ZNF445: variants seen among roughly 807,000 people sequenced by gnomAD.
ZNF445 encodes zinc finger protein 445, also known as zinc finger protein 168.
ZNF445 carries 19 observed loss-of-function variants against 93.9 expected under a neutral mutation model. The observed-to-expected ratio is 0.20, with a 90% CI of 0.14 to 0.30. The LOEUF (loss-of-function observed/expected upper bound fraction) is 0.30, where lower values mean the gene tolerates loss of function less well. Among genes scored for constraint, ZNF445 ranks in the 10% least tolerant of loss-of-function variants. The probability of loss-of-function intolerance (pLI) is 1.00; values close to 1 mark genes in which losing one functional copy is unlikely to be tolerated. For synonymous variants in ZNF445, 449 were observed against 446.3 expected (o/e 1.01, Z -0.08); for missense variants, 1,058 against 1,259.4 (o/e 0.84, Z 2.42).
rs2125678181 is a variant in ZNF445 at position 44,447,053 on chromosome 3, CAT to C, written c.2616_2617del (p.Cys873TrpfsTer5). 6.2e-7 allele frequency: 1 copy of C among 1,614,236 alleles called. No homozygotes were observed. Among genetic ancestry groups the C allele is most frequent in the Non-Finnish European group, 8.5e-7 (1 of 1,180,036 alleles). Reference sequence around the variant, plus strand: ...ATAGTTTCTATCATAAGATTTCCCACATAGATTACATTTATAGCGCTTCTCTC... The same window carrying C: ...ATAGTTTCTATCATAAGATTTCCCACAGATTACATTTATAGCGCTTCTCTC... On this transcript the variant is annotated frameshift_variant, in exon 8 of 8. Transcript: ENST00000396077. LOFTEE classifies it high-confidence loss of function. The surrounding 1 kb of genome is among the most constrained non-coding windows in gnomAD (Gnocchi z 4.7).
chr3:44,460,025 G>A (rs1698087725), intron 1 of ZNF445, among the ~76,000 whole-genome samples: 1 of 152,106 alleles, frequency 6.6e-6, no homozygotes, highest in South Asian at 2.1e-4. Flanking sequence ...AACACAGCAA[G>A]ACTCCGTTTC....
At chr3:44,457,049 C>T (rs906461354) in intron 2 of ZNF445, among the ~76,000 whole-genome samples, 5 of 152,082 alleles carry the variant, frequency 3.3e-5, no homozygotes, top group African/African-American at 7.2e-5. Flanking sequence ...GAATTGCTTG[C>T]GCCTGGGAAG....
chr3:44,454,487 G>A lies in ZNF445; in HGVS notation c.429+634C>T, dbSNP rs572416371. ...CTTGCTGTGTCACCCAGGCTGGAGC[G>A]CAGTGGTGCAATCACGGCTCACTGC... On this transcript the variant is annotated intron_variant, in intron 3 of 7. Transcript: ENST00000396077. 1.1e-4 allele frequency among the ~76,000 whole-genome samples: 16 copies of A among 152,266 alleles called. No individual in the cohort carries two copies. In the South Asian group the frequency reaches 2.1e-3, roughly 20 times the overall value.
At chr3:44,456,669 A>G (rs1174300178) in intron 2 of ZNF445, among the ~76,000 whole-genome samples, 2 of 152,192 alleles carry the variant, frequency 1.3e-5, no homozygotes, top group African/African-American at 4.8e-5. Flanking sequence ...TGCTATTATA[A>G]TATTTTAAAA....
chr3:44,473,790 A>G (rs1451336204), intron 1 of ZNF445, among the ~76,000 whole-genome samples: 1 of 152,090 alleles, frequency 6.6e-6, no homozygotes, highest in African/African-American at 2.4e-5. Flanking sequence ...AAAGAGCTAC[A>G]ATAATTTCAG....
At chr3:44,454,956 G>A (rs1698007573) in intron 3 of ZNF445, 165 bp downstream of exon 3, 4 of 764,066 alleles carry the variant, frequency 5.2e-6, no homozygotes, top group African/African-American at 3.5e-5. Context: ...TAAAGGGTCC[G>A]TGGCTCAGGG....
At position 44,447,164 on chromosome 3, in the gene ZNF445, C is replaced by A. The variant is rs137928809; in HGVS notation, c.2507G>T (p.Gly836Val). Reference protein sequence around the residue: ...TPNVEPKILTGEKRFWCQECG... With the variant: ...TPNVEPKILTVEKRFWCQECG... ...TTCTTGACACCAAAAACGTTTCTCA[C>A]CAGTGAGGATTTTTGGCTCCACATT... Residue 836 changes from glycine (G) to valine (V), a missense_variant, in exon 8 of 8, where the codon GGT becomes GTT. Around this residue, in one of 3 missense-constraint regions of ZNF445, gnomAD observed 387 missense variants for 475.7 expected, o/e 0.81. Coordinates refer to ENST00000396077, the MANE Select transcript of ZNF445 (RefSeq NM_181489.6). The surrounding 1 kb of genome is among the most constrained non-coding windows in gnomAD (Gnocchi z 4.7). The A allele has an allele frequency of 0.015, 25,003 of 1,614,174 alleles. 252 individuals carry two copies. Among genetic ancestry groups the A allele is most frequent in the Non-Finnish European group, 0.019 (22,468 of 1,180,020 alleles).
chr3:44,458,538 T>A (rs1006901887), intron 1 of ZNF445, among the ~76,000 whole-genome samples, 174 bp from the exon 2 acceptor site: 2 of 152,080 alleles, frequency 1.3e-5, no homozygotes, highest in African/African-American at 4.8e-5. Context: ...AATAAGCATA[T>A]CTTCTGTTAA....
At chr3:44,464,008 C>T (rs1254915692) in intron 1 of ZNF445, among the ~76,000 whole-genome samples, 2 of 152,112 alleles carry the variant, frequency 1.3e-5, no homozygotes, top group Non-Finnish European at 2.9e-5. Context: ...TGCCTGTAGT[C>T]GCAGCTACTT....
At chr3:44,463,001 A>AT (rs916508084) in intron 1 of ZNF445, among the ~76,000 whole-genome samples, 3 of 133,576 alleles carry the variant, frequency 2.2e-5, no homozygotes, top group Non-Finnish European at 4.7e-5. Flanking sequence ...CAACTGAATT[A>AT]TTTTTTTCTT....
chr3:44,446,839 T>C lies in ZNF445; in HGVS notation c.2832A>G (p.Leu944=), dbSNP rs1299056349. The C allele has an allele frequency of 6.2e-7, 1 of 1,614,200 alleles. No homozygotes were observed. Among genetic ancestry groups the C allele is most frequent in the Non-Finnish European group, 8.5e-7 (1 of 1,180,048 alleles). ...CGAGGGGCATCTCTTCACTTGGTTTTAGCTTCTGTAATCTCAACTTTGTGT... is the reference window on the plus strand; with the variant it reads ...CGAGGGGCATCTCTTCACTTGGTTTCAGCTTCTGTAATCTCAACTTTGTGT... ...SQDTKLRLQK[L]KPSEEMPLED... is the part of the protein sequence containing the mutation. The change falls in exon 8 of 8, where the codon CTA becomes CTG. Residue 944 remains leucine (L), a synonymous_variant. Coordinates refer to ENST00000396077, the MANE Select transcript of ZNF445 (RefSeq NM_181489.6). This position sits in a 1 kb window ranked among gnomAD's most constrained non-coding sequence, Gnocchi z 4.2.
chr3:44,447,388 G>C lies in ZNF445; in HGVS notation c.2283C>G (p.Pro761=). 1 of 1,614,154 alleles carries C rather than the reference G, an allele frequency of 6.2e-7. No homozygotes were observed. Among genetic ancestry groups the C allele is most frequent in the Non-Finnish European group, 8.5e-7 (1 of 1,180,012 alleles). Residue 761 remains proline, a synonymous_variant, in exon 8 of 8, where the codon CCC becomes CCG. Transcript: ENST00000396077. This position sits in a 1 kb window ranked among gnomAD's most constrained non-coding sequence, Gnocchi z 4.7. ...VPQSSHSKEE[P]YKCSQCGKAF... ...CCTTGCCACACTGGCTGCATTTGTAGGGCTCCTCTTTGGAGTGACTGCTCT... is the reference window on the plus strand; with the variant it reads ...CCTTGCCACACTGGCTGCATTTGTACGGCTCCTCTTTGGAGTGACTGCTCT...
chr3:44,473,488 C>A (rs1242084913), intron 1 of ZNF445, among the ~76,000 whole-genome samples: 20 of 58,012 alleles, frequency 3.4e-4, no homozygotes, highest in African/African-American at 7.5e-4. Flanking sequence ...CACACACACA[C>A]ACAAAAAATG....
At chr3:44,465,211 T>C (rs1482358643) in intron 1 of ZNF445, among the ~76,000 whole-genome samples, 1 of 152,192 alleles carries the variant, frequency 6.6e-6, no homozygotes, top group African/African-American at 2.4e-5. Flanking sequence ...GTGTTTTTGT[T>C]AAAAGATTAT....
Position 44,450,544 on chromosome 3 carries a change from C to T in ZNF445, c.723G>A (p.Val241=). Residue 241 remains valine, a synonymous_variant, in exon 6 of 8, where the codon GTG becomes GTA. Transcript: ENST00000396077. ...QETMTFKDVE[V]TFSQDEWGWL... Reference sequence around the variant, plus strand: ...ACCCCCACTCGTCCTGGGAGAAGGTCACCTCCACATCCTTGAAAGTCATGG... The same window carrying T: ...ACCCCCACTCGTCCTGGGAGAAGGTTACCTCCACATCCTTGAAAGTCATGG... 3 of 1,614,196 alleles carry T rather than the reference C, an allele frequency of 1.9e-6. No individual in the cohort carries two copies. Among genetic ancestry groups the T allele is most frequent in the Non-Finnish European group, 2.5e-6 (3 of 1,180,028 alleles).
At position 44,441,134 on chromosome 3, in the gene ZNF445, CAATCTCCTGACCTCA is replaced by C. The variant is rs1697805105; in HGVS notation, c.*5426_*5440del. Reference sequence around the variant, plus strand: ...TTCACCATGTTGGCCAGGCTGGTCTCAATCTCCTGACCTCATAATCCGCCCGCCTTGGCCTCCCAA... The same window carrying C: ...TTCACCATGTTGGCCAGGCTGGTCTCTAATCCGCCCGCCTTGGCCTCCCAA... On this transcript the variant is annotated 3_prime_UTR_variant, in exon 8 of 8. Coordinates refer to ENST00000396077, the MANE Select transcript of ZNF445 (RefSeq NM_181489.6). 1.3e-5 allele frequency: 2 copies of C among 152,148 alleles called. No individual in the cohort carries two copies. The highest frequency in any genetic ancestry group is 6.5e-5 in the Admixed American group (1 of 15,282). The allele number at this position is 152,148 out of a possible 1,614,324, so 9.4% of individuals were successfully genotyped here. A position where few individuals can be genotyped will look rare whatever the true frequency, so the allele number is the denominator to read the frequency against.
In ZNF445 at chr3:44,439,661, C is replaced by T. The variant is rs12637714; in HGVS notation, c.*6914G>A. 16,117 of 152,348 alleles carry T rather than the reference C, an allele frequency of 0.11. 1,058 individuals are homozygous for T. The highest frequency in any genetic ancestry group is 0.16 in the South Asian group (772 of 4,824). 9.4% of individuals were successfully genotyped at this position (152,348 alleles called of 1,614,324 possible). A position where few individuals can be genotyped will look rare whatever the true frequency, so the allele number is the denominator to read the frequency against. On this transcript the variant is annotated 3_prime_UTR_variant, in exon 8 of 8. Transcript: ENST00000396077. ...TCCCACCTTTCAACAATTCTAGCCA[C>T]GTCTCTTTGTTCCTGCTTTGCACTT...
intron 1 of ZNF445, among the ~76,000 whole-genome samples, chr3:44,472,892 C>G (rs755106364): frequency 6.6e-6 from 1 of 152,196 alleles, no homozygotes; most frequent in African/African-American, 2.4e-5. Context: ...ACTCTCCCCC[C>G]AGAGCTTTAT....
rs565480601 is a variant in ZNF445, at chr3:44,436,073, T to C, written c.*10502A>G. The C allele has an allele frequency of 6.6e-6, 1 of 152,380 alleles. No individual in the cohort carries two copies. Among genetic ancestry groups the C allele is most frequent in the East Asian group, 1.9e-4 (1 of 5,188 alleles). The allele number at this position is 152,380 out of a possible 1,614,324, so 9.4% of individuals were successfully genotyped here. A position where few individuals can be genotyped will look rare whatever the true frequency, so the allele number is the denominator to read the frequency against. Reference sequence around the variant, plus strand: ...TCAAAGGGACCTGGCCTATCCTTTATTCAAGAAGCTGTGGGTTTGTGAACT... The same window carrying C: ...TCAAAGGGACCTGGCCTATCCTTTACTCAAGAAGCTGTGGGTTTGTGAACT... On this transcript the variant is annotated 3_prime_UTR_variant, in exon 8 of 8. Transcript: ENST00000396077.
Sources: allele counts gnomAD v4.1 joint callset (sites outside exome capture counted in the v4.1 genomes callset), GRCh38; gene constraint gnomAD v4.1.1; regional missense constraint gnomAD v4.1.1; non-coding constraint Gnocchi (gnomAD v3.1); transcripts MANE v1.5; gene names NCBI Gene and HGNC (gene_info 2026-07-23, HGNC 2026-07-21).